PTPN11: variants seen among roughly 807,000 people sequenced by gnomAD.
PTPN11 encodes the protein tyrosine-protein phosphatase non-receptor type 11.
Under a neutral mutation model 78.8 loss-of-function variants are expected in PTPN11, and 6 were observed. The ratio of observed to expected loss-of-function variants is 0.08; its 90% CI spans 0.04 to 0.15. The LOEUF (loss-of-function observed/expected upper bound fraction) is 0.15, where lower values mean the gene tolerates loss of function less well. Among genes scored for constraint, PTPN11 ranks in the 10% least tolerant of loss-of-function variants. The pLI is 1.00. For synonymous variants in PTPN11, 221 were observed against 263.5 expected (o/e 0.84, Z 1.56); for missense variants, 386 against 744.8 (o/e 0.52, Z 5.61).
intron 2 of PTPN11, among the ~76,000 whole-genome samples, chr12:112,449,502 G>A (rs975990950): frequency 4.6e-5 from 7 of 151,442 alleles, no homozygotes; most frequent in Non-Finnish European, 7.4e-5. Flanking sequence ...GTGAGACTCT[G>A]TCTCAAAAAC....
chr12:112,463,545 G>A (rs912881798), intron 6 of PTPN11, among the ~76,000 whole-genome samples: 2 of 152,176 alleles, frequency 1.3e-5, no homozygotes, highest in African/African-American at 2.4e-5. Context: ...GAGTTTAGAA[G>A]GAACTCTTAG....
At chr12:112,472,314 G>A (rs936328137) in intron 6 of PTPN11, among the ~76,000 whole-genome samples, 2 of 152,132 alleles carry the variant, frequency 1.3e-5, no homozygotes, top group Non-Finnish European at 2.9e-5. Flanking sequence ...GTAGGTGAAT[G>A]CAAGTGTATG....
chr12:112,483,256 C>T (rs1389374252), intron 10 of PTPN11, among the ~76,000 whole-genome samples: 13 of 150,520 alleles, frequency 8.6e-5, no homozygotes, highest in South Asian at 4.2e-4. Context: ...GGTGCATTCA[C>T]GGCTCACTGC....
intron 13 of PTPN11, among the ~76,000 whole-genome samples, chr12:112,494,728 G>A (rs1373790601): frequency 6.6e-6 from 1 of 152,130 alleles, no homozygotes; most frequent in Non-Finnish European, 1.5e-5. Flanking sequence ...CTAATTAGCT[G>A]ATCAATTACT....
chr12:112,439,449 A>G (rs894710223), intron 1 of PTPN11, among the ~76,000 whole-genome samples: 1 of 151,980 alleles, frequency 6.6e-6, no homozygotes, highest in African/African-American at 2.4e-5. Flanking sequence ...GCCAGCCACC[A>G]TGCCCAGCTA....
intron 7 of PTPN11, among the ~76,000 whole-genome samples, chr12:112,477,174 G>A (rs1016997745): frequency 3.3e-5 from 5 of 152,034 alleles, no homozygotes; most frequent in South Asian, 2.1e-4. Flanking sequence ...GGACCAACAT[G>A]CCTGGCTAAT....
intron 10 of PTPN11, among the ~76,000 whole-genome samples, chr12:112,484,835 T>A (rs1210657349): frequency 6.6e-6 from 1 of 151,596 alleles, no homozygotes; most frequent in African/African-American, 2.4e-5. Context: ...TGCATTGAGC[T>A]GTGATTGTGC....
intron 13 of PTPN11, among the ~76,000 whole-genome samples, chr12:112,492,790 T>C (rs557046530): frequency 5.9e-5 from 9 of 152,320 alleles, no homozygotes; most frequent in African/African-American, 1.9e-4. Flanking sequence ...GTGCTGGGAT[T>C]ACAGATGTGA....
intron 10 of PTPN11, among the ~76,000 whole-genome samples, chr12:112,484,742 C>T: frequency 6.6e-6 from 1 of 152,058 alleles, no homozygotes; most frequent in South Asian, 2.1e-4. Flanking sequence ...GGAGAAAGGG[C>T]TGGGCGTGGT....
intron 1 of PTPN11, 66 bp from the exon 2 acceptor site, chr12:112,446,207 GTGT>G: frequency 1.3e-6 from 2 of 1,589,708 alleles, no homozygotes; most frequent in South Asian, 1.1e-5. Context: ...CGTCTTAGCT[GTGT>G]TGTTGTGGAA....
intron 13 of PTPN11, among the ~76,000 whole-genome samples, chr12:112,492,584 C>A (rs559442306): frequency 1.3e-5 from 2 of 151,192 alleles, no homozygotes; most frequent in Non-Finnish European, 2.9e-5. Flanking sequence ...GTGGTGCAAT[C>A]TCGGGTCACT....
At chr12:112,497,004 T>A (rs2038822183) in intron 13 of PTPN11, among the ~76,000 whole-genome samples, 1 of 151,922 alleles carries the variant, frequency 6.6e-6, no homozygotes, top group African/African-American at 2.4e-5. Context: ...AAACCCCATC[T>A]CTACAAAAAA....
chr12:112,470,236 C>T (rs1419491832), intron 6 of PTPN11, among the ~76,000 whole-genome samples: 1 of 152,162 alleles, frequency 6.6e-6, no homozygotes, highest in Non-Finnish European at 1.5e-5. Context: ...GGTGCTAATG[C>T]TGCTGGTCTA....
chr12:112,488,937 T>A, intron 12 of PTPN11, 87 bp from the exon 13 acceptor site: 1 of 1,538,538 alleles, frequency 6.5e-7, no homozygotes, highest in South Asian at 1.1e-5. Flanking sequence ...ATTAGCATTG[T>A]CTCTGAGTCC....
chr12:112,429,972 TAGCTGTAATTTTAACC>T (rs2037685625), intron 1 of PTPN11, among the ~76,000 whole-genome samples: 1 of 152,198 alleles, frequency 6.6e-6, no homozygotes, highest in Admixed American at 6.5e-5. Flanking sequence ...TCAGTAAGTA[TAGCTGTAATTTTAACC>T]AGCTGTAATG....
intron 4 of PTPN11, among the ~76,000 whole-genome samples, chr12:112,454,061 C>G (rs2038118022): frequency 6.6e-6 from 1 of 151,910 alleles, no homozygotes; most frequent in Non-Finnish European, 1.5e-5. Context: ...TATTATTATA[C>G]TTATCATACT....
At chr12:112,465,792 C>T (rs997931842) in intron 6 of PTPN11, among the ~76,000 whole-genome samples, 1 of 152,172 alleles carries the variant, frequency 6.6e-6, no homozygotes, top group African/African-American at 2.4e-5. Context: ...CGGATGCCAT[C>T]CATCTCTAGT....
chr12:112,483,179 G>A (rs951552199), intron 10 of PTPN11, among the ~76,000 whole-genome samples: 12 of 151,578 alleles, frequency 7.9e-5, no homozygotes, highest in Non-Finnish European at 1.8e-4. Context: ...ATTTGGAGGG[G>A]GAAGGGACTT....
chr12:112,466,747 T>C (rs2135886383), intron 6 of PTPN11, among the ~76,000 whole-genome samples: 1 of 152,306 alleles, frequency 6.6e-6, no homozygotes, highest in Admixed American at 6.5e-5. Flanking sequence ...AAAGTAACTA[T>C]ACAGGTTGGT....
Sources: allele counts gnomAD v4.1 joint callset (sites outside exome capture counted in the v4.1 genomes callset), GRCh38; gene constraint gnomAD v4.1.1; transcripts MANE v1.5; gene names NCBI Gene and HGNC (gene_info 2026-07-23, HGNC 2026-07-21).